Variants in STPG2 observed in about 807,000 individuals in gnomAD.
The protein encoded by STPG2 is sperm tail PG-rich repeat containing 2, also known as sperm-tail PG-rich repeat-containing protein 2.
In STPG2, 56 loss-of-function variants were observed where a neutral mutation model predicts 54.2. That is an observed-to-expected ratio of 1.03 (90% confidence interval 0.83 to 1.29). The LOEUF (loss-of-function observed/expected upper bound fraction) is 1.29. Ranked by LOEUF, STPG2 falls within the 50% of genes most tolerant of loss-of-function variation. The probability of loss-of-function intolerance (pLI) is 0.00; values close to 1 mark genes in which losing one functional copy is unlikely to be tolerated. For missense variants in STPG2, 596 were observed against 544.9 expected, an observed-to-expected ratio of 1.09 and a Z score of -0.93; for synonymous variants, 200 against 181.8, an observed-to-expected ratio of 1.10 and a Z score of -0.81.
rs144841335 is a variant in STPG2 at position 97,501,915 on chromosome 4, AAATT to A, written c.462+210780_462+210783del. ...GAAATATAAGATTTCACAACTAAGA[AAATT>A]AATTGAGGACCAAAATAGTCAAATT... On this transcript the variant is annotated intron_variant, in intron 4 of 4. Transcript: ENST00000522676. 3.9e-3 allele frequency among the ~76,000 whole-genome samples: 588 copies of A among 152,150 alleles called. 2 individuals are homozygous for A. The highest frequency in any genetic ancestry group is 0.01 in the Middle Eastern group (3 of 292).
intron 8 of STPG2, among the ~76,000 whole-genome samples, chr4:97,885,500 A>G (rs1461968751): frequency 6.6e-6 from 1 of 152,208 alleles, no homozygotes; most frequent in Non-Finnish European, 1.5e-5. Context: ...GTGATATTCA[A>G]TTGACCACAT....
chr4:98,034,912 T>C (rs1578800936), intron 5 of STPG2, among the ~76,000 whole-genome samples: 1 of 152,202 alleles, frequency 6.6e-6, no homozygotes, highest in African/African-American at 2.4e-5. Context: ...AAGCTGAAAC[T>C]GGATCCCTTC....
chr4:97,802,886 A>C (rs997360343), intron 9 of STPG2, among the ~76,000 whole-genome samples: 8 of 152,164 alleles, frequency 5.3e-5, no homozygotes, highest in Admixed American at 1.3e-4. Context: ...TGAAGTAAAA[A>C]AAGATCAACT....
chr4:97,942,787 A>T (rs371420913), intron 8 of STPG2, among the ~76,000 whole-genome samples: 11 of 152,196 alleles, frequency 7.2e-5, no homozygotes, highest in Non-Finnish European at 1.6e-4. Flanking sequence ...ATTTTATTTC[A>T]GCAAGTTATA....
At chr4:97,938,863 C>G (rs1008805104) in intron 8 of STPG2, among the ~76,000 whole-genome samples, 1 of 152,012 alleles carries the variant, frequency 6.6e-6, no homozygotes, top group East Asian at 1.9e-4. Context: ...TGGTTCTTCT[C>G]AGTGGGAGCC....
intron 9 of STPG2, among the ~76,000 whole-genome samples, chr4:97,758,979 A>C (rs1453315969): frequency 1.3e-5 from 2 of 152,174 alleles, no homozygotes; most frequent in Admixed American, 6.6e-5. Context: ...AGACAGAAAA[A>C]AAATGAACGT....
intron 10 of STPG2, among the ~76,000 whole-genome samples, chr4:97,625,406 T>G (rs1460196384): frequency 6.6e-6 from 1 of 152,058 alleles, no homozygotes; most frequent in East Asian, 1.9e-4. Context: ...GCTTCCTGGG[T>G]TCAAGCAATT....
chr4:97,675,935 T>C (rs1452870368), intron 10 of STPG2, among the ~76,000 whole-genome samples: 1 of 146,740 alleles, frequency 6.8e-6, no homozygotes, highest in Admixed American at 6.9e-5. Context: ...TATATGTATA[T>C]GCTATATATA....
At chr4:97,736,817 A>T (rs1466565279) in intron 9 of STPG2, among the ~76,000 whole-genome samples, 2 of 152,222 alleles carry the variant, frequency 1.3e-5, no homozygotes, top group African/African-American at 2.4e-5. Flanking sequence ...TAACCTCTGC[A>T]GACTTAAATG....
chr4:97,534,592 A>C (rs555053128), intron 4 of STPG2, among the ~76,000 whole-genome samples: 1 of 152,254 alleles, frequency 6.6e-6, no homozygotes, highest in East Asian at 1.9e-4. Flanking sequence ...TAGGACTATT[A>C]CTGTATTCTG....
intron 9 of STPG2, among the ~76,000 whole-genome samples, chr4:97,834,255 C>T (rs556816365): frequency 1.1e-4 from 17 of 151,996 alleles, no homozygotes; most frequent in African/African-American, 2.9e-4. Context: ...AACTAACACA[C>T]GAACTGAAAA....
At chr4:97,705,823 T>TA (rs1467385808) in intron 10 of STPG2, among the ~76,000 whole-genome samples, 3 of 151,950 alleles carry the variant, frequency 2.0e-5, no homozygotes, top group African/African-American at 7.2e-5. Flanking sequence ...TCAGAGCCTA[T>TA]ACCATACTAG....
At chr4:97,550,201 G>C (rs533635775) in intron 4 of STPG2, among the ~76,000 whole-genome samples, 1 of 152,174 alleles carries the variant, frequency 6.6e-6, no homozygotes, top group African/African-American at 2.4e-5. Context: ...TTTTAACTAT[G>C]AAGTGCTCCT....
intron 4 of STPG2, among the ~76,000 whole-genome samples, chr4:97,477,643 A>ATTTTTTTTTTTTTT (rs561080941): frequency 7.1e-6 from 1 of 141,206 alleles, no homozygotes; most frequent in Non-Finnish European, 1.6e-5. Context: ...TGCCCGGCTA[A>ATTTTTTTTTTTTTT]TTTTTTTTTT....
At chr4:97,453,960 T>A (rs2148800819) in intron 4 of STPG2, among the ~76,000 whole-genome samples, 1 of 152,194 alleles carries the variant, frequency 6.6e-6, no homozygotes, top group East Asian at 1.9e-4. Context: ...GAAATGAAAC[T>A]CTTCCTAAGT....
intron 10 of STPG2, among the ~76,000 whole-genome samples, chr4:97,565,724 A>G (rs759064899): frequency 6.6e-6 from 1 of 152,200 alleles, no homozygotes; most frequent in Non-Finnish European, 1.5e-5. Flanking sequence ...CCTGGGTACC[A>G]GCAGCGGTGG....
chr4:97,866,844 C>G (rs1390632977), intron 8 of STPG2, among the ~76,000 whole-genome samples: 2 of 151,830 alleles, frequency 1.3e-5, no homozygotes, highest in Non-Finnish European at 2.9e-5. Flanking sequence ...GGCAGGGTAT[C>G]AGAATTTCTT....
At chr4:98,096,729 T>A (rs968708556) in intron 5 of STPG2, among the ~76,000 whole-genome samples, 3 of 151,942 alleles carry the variant, frequency 2.0e-5, no homozygotes, top group African/African-American at 7.2e-5. Flanking sequence ...TTAGCCAGAC[T>A]AACTATGAAA....
chr4:97,744,351 G>A (rs1028982723), intron 9 of STPG2, among the ~76,000 whole-genome samples: 1 of 151,120 alleles, frequency 6.6e-6, no homozygotes, highest in East Asian at 1.9e-4. Flanking sequence ...ATGTCAAATG[G>A]CTTTTTAATT....
Sources: allele counts gnomAD v4.1 joint callset (sites outside exome capture counted in the v4.1 genomes callset), GRCh38; gene constraint gnomAD v4.1.1; transcripts MANE v1.5; gene names NCBI Gene and HGNC (gene_info 2026-07-23, HGNC 2026-07-21).